CNTNAP2: variants seen among roughly 807,000 people sequenced by gnomAD.
CNTNAP2 encodes the protein contactin-associated protein-like 2.
A neutral mutation model predicts 155.2 loss-of-function variants in CNTNAP2; 98 were observed. The observed-to-expected ratio is 0.63, with a 90% CI of 0.54 to 0.75. The LOEUF (loss-of-function observed/expected upper bound fraction) is 0.75, where lower values mean the gene tolerates loss of function less well. Ranked by LOEUF, CNTNAP2 falls within the 30% of genes least tolerant of loss-of-function variation. CNTNAP2 has a pLI of 0.00. For missense variants in CNTNAP2, 1,727 were observed against 1,688.1 expected, an observed-to-expected ratio of 1.02 and a Z score of -0.40; for synonymous variants, 651 against 631.2, an observed-to-expected ratio of 1.03 and a Z score of -0.47.
chr7:147,165,615 G>T (rs1015620330), intron 8 of CNTNAP2, among the ~76,000 whole-genome samples: 2 of 152,066 alleles, frequency 1.3e-5, no homozygotes, highest in African/African-American at 2.4e-5. Context: ...TTTTATAGTT[G>T]CAGGTTTTAG....
rs1192033975 is a variant in CNTNAP2 at position 147,604,845 on chromosome 7, CT to C, written c.1898-34259del. ...CCTCATGTGTGGCTCACTCTGAGGC[CT>C]TCAATAATGTGTTCTTTGGAATTCA... On this transcript the variant is annotated intron_variant, in intron 12 of 23. Transcript: ENST00000361727. Among the ~76,000 whole-genome samples the C allele has an allele frequency of 3.9e-5, 6 of 152,272 alleles. No individual in the cohort carries two copies. In the East Asian group the frequency reaches 1.2e-3, roughly 29 times the overall value.
intron 20 of CNTNAP2, among the ~76,000 whole-genome samples, chr7:148,240,123 T>C (rs1164117704): frequency 1.3e-5 from 2 of 152,196 alleles, no homozygotes; most frequent in Non-Finnish European, 2.9e-5. Context: ...TAAAATTGAT[T>C]CCACTTTAAT....
intron 1 of CNTNAP2, among the ~76,000 whole-genome samples, chr7:146,329,168 C>A (rs992433375): frequency 6.6e-6 from 1 of 152,122 alleles, no homozygotes; most frequent in African/African-American, 2.4e-5. Context: ...TTCTCTACAT[C>A]GTGGTCAACA....
At chr7:147,959,468 A>G (rs1801079099) in intron 14 of CNTNAP2, among the ~76,000 whole-genome samples, 1 of 152,128 alleles carries the variant, frequency 6.6e-6, no homozygotes, top group African/African-American at 2.4e-5. Context: ...GGGCAAGCCA[A>G]TGGTAGGGTA....
intron 3 of CNTNAP2, among the ~76,000 whole-genome samples, chr7:146,931,210 A>G (rs1796749162): frequency 6.6e-6 from 1 of 152,144 alleles, no homozygotes; most frequent in African/African-American, 2.4e-5. Context: ...AGCAAATGTA[A>G]AAGAACAGAA....
chr7:147,975,600 G>A (rs867452727), intron 14 of CNTNAP2, among the ~76,000 whole-genome samples: 22 of 152,078 alleles, frequency 1.4e-4, no homozygotes, highest in African/African-American at 5.3e-4. Context: ...GATCTCACTT[G>A]TACCAAAGCT....
chr7:146,382,087 G>C (rs910192172), intron 1 of CNTNAP2, among the ~76,000 whole-genome samples: 1 of 152,158 alleles, frequency 6.6e-6, no homozygotes, highest in Admixed American at 6.5e-5. Flanking sequence ...TATTTTTCTG[G>C]AAAGCTTGAG....
rs1448120673 is a variant in CNTNAP2, at chr7:146,426,935, A to AT, written c.97+309963dup. ...AAAAGTTTGAGTTAGCCGTTCCACA[A>AT]TGTATACAAATATCAAAACGTCATG... On this transcript the variant is annotated intron_variant, in intron 1 of 23. Coordinates refer to ENST00000361727, the MANE Select transcript of CNTNAP2 (RefSeq NM_014141.6). 2.6e-5 allele frequency among the ~76,000 whole-genome samples: 4 copies of AT among 152,276 alleles called. No individual in the cohort carries two copies. In the East Asian group the frequency reaches 7.7e-4, roughly 29 times the overall value.
intron 8 of CNTNAP2, among the ~76,000 whole-genome samples, chr7:147,142,486 T>C (rs181952528): frequency 1.7e-3 from 255 of 152,330 alleles, no homozygotes; most frequent in African/African-American, 5.3e-3. Context: ...CAGTATTTTA[T>C]TGAGGATTTT....
chr7:147,535,578 T>G (rs1465773121), intron 11 of CNTNAP2, among the ~76,000 whole-genome samples: 4 of 152,154 alleles, frequency 2.6e-5, no homozygotes, highest in Non-Finnish European at 5.9e-5. Context: ...GTTCTTGCTT[T>G]TGGATGAATA....
chr7:146,819,154 C>A (rs1414619139), intron 2 of CNTNAP2, among the ~76,000 whole-genome samples: 1 of 151,938 alleles, frequency 6.6e-6, no homozygotes, highest in African/African-American at 2.4e-5. Flanking sequence ...CCCAACTTTC[C>A]CTTACTGATG....
intron 9 of CNTNAP2, among the ~76,000 whole-genome samples, chr7:147,360,528 A>G (rs188772479): frequency 6.6e-6 from 1 of 152,114 alleles, no homozygotes; most frequent in East Asian, 1.9e-4. Flanking sequence ...TATTTTCTTG[A>G]TTAACTCTTA....
At chr7:148,056,660 G>C (rs888678376) in intron 15 of CNTNAP2, 2 of 152,104 alleles carry the variant, frequency 1.3e-5, no homozygotes, top group Non-Finnish European at 2.9e-5. Context: ...GGTCCCTCCC[G>C]CAACATTGAT....
intron 8 of CNTNAP2, among the ~76,000 whole-genome samples, chr7:147,292,097 C>T (rs1260197096): frequency 2.6e-5 from 4 of 152,094 alleles, no homozygotes; most frequent in Non-Finnish European, 4.4e-5. Flanking sequence ...TTTGATGGAT[C>T]TCAAATTATC....
chr7:148,401,710 T>TG (rs1169311762), intron 22 of CNTNAP2, among the ~76,000 whole-genome samples: 1 of 152,122 alleles, frequency 6.6e-6, no homozygotes, highest in Non-Finnish European at 1.5e-5. Context: ...GCTATTCTCC[T>TG]GCCTCAGCCT....
chr7:147,053,414 G>C (rs962002492), intron 4 of CNTNAP2, among the ~76,000 whole-genome samples: 11 of 151,984 alleles, frequency 7.2e-5, no homozygotes, highest in African/African-American at 2.7e-4. Flanking sequence ...AACATGGTGA[G>C]CCTACCTTTA....
chr7:147,019,669 A>G (rs1354506698), intron 3 of CNTNAP2, among the ~76,000 whole-genome samples: 5 of 152,108 alleles, frequency 3.3e-5, no homozygotes, highest in African/African-American at 1.2e-4. Flanking sequence ...TCTAGGTAGA[A>G]GGAATGCAGG....
chr7:148,140,707 C>G (rs1478918302), intron 16 of CNTNAP2, among the ~76,000 whole-genome samples: 1 of 152,158 alleles, frequency 6.6e-6, no homozygotes, highest in Non-Finnish European at 1.5e-5. Context: ...CAGGCATGAG[C>G]CACCACACCC....
At chr7:147,246,081 T>C (rs559384793) in intron 8 of CNTNAP2, among the ~76,000 whole-genome samples, 2 of 149,462 alleles carry the variant, frequency 1.3e-5, no homozygotes, top group Non-Finnish European at 3.0e-5. Flanking sequence ...TATATATATA[T>C]ACATATATAT....
Sources: gnomAD v4.1 joint callset for allele counts (sites outside exome capture counted in the v4.1 genomes callset) on GRCh38, gnomAD v4.1.1 for gene constraint, MANE v1.5 for transcripts, NCBI Gene and HGNC (gene_info 2026-07-23, HGNC 2026-07-21) for gene names.